CEP85: variants seen among roughly 807,000 people sequenced by gnomAD.
The protein encoded by CEP85 is centrosomal protein 85, also known as centrosomal protein of 85 kDa.
In CEP85, 58 loss-of-function variants were observed where a neutral mutation model predicts 93.7. The ratio of observed to expected loss-of-function variants is 0.62; its 90% CI spans 0.50 to 0.77. The LOEUF is 0.77. Among genes scored for constraint, CEP85 ranks in the 30% least tolerant of loss-of-function variants. CEP85 has a pLI of 0.00. For synonymous variants in CEP85, 314 were observed against 338.6 expected, an observed-to-expected ratio of 0.93 and a Z score of 0.80; for missense variants, 868 against 922.0, an observed-to-expected ratio of 0.94 and a Z score of 0.76.
At chr1:26,270,649 CTGTG>C (rs1346494150) in intron 9 of CEP85, among the ~76,000 whole-genome samples, 1 of 152,222 alleles carries the variant, frequency 6.6e-6, no homozygotes, top group Non-Finnish European at 1.5e-5. Context: ...TTGCCCCAGA[CTGTG>C]TGTGCCAAGA....
intron 7 of CEP85, among the ~76,000 whole-genome samples, chr1:26,261,652 T>C (rs993861227): frequency 6.6e-6 from 1 of 151,734 alleles, no homozygotes; most frequent in Non-Finnish European, 1.5e-5. Flanking sequence ...TCCAGCACTT[T>C]GGGAGACTGT....
intron 2 of CEP85, among the ~76,000 whole-genome samples, chr1:26,241,262 A>ATTTTTTTTTTT (rs2089420777): frequency 1.3e-4 from 1 of 7,658 alleles, no homozygotes; most frequent in Non-Finnish European, 6.9e-4. Flanking sequence ...TTTTTTTTTG[A>ATTTTTTTTTTT]AATGGAGTCT....
intron 11 of CEP85, among the ~76,000 whole-genome samples, chr1:26,273,590 T>C (rs2090009112): frequency 3.3e-5 from 5 of 152,160 alleles, no homozygotes; most frequent in Admixed American, 3.3e-4. Flanking sequence ...ATAAGACTAC[T>C]TAGGCAAATT....
In CEP85 at chr1:26,244,287, C is replaced by A. The variant is rs2089476017; in HGVS notation, c.177C>A (p.Ala59=). Residue 59 remains alanine, a synonymous_variant, in exon 3 of 14, where the codon GCC becomes GCA. Coordinates refer to ENST00000451429, the MANE Select transcript of CEP85 (RefSeq NM_001319944.2). Reference sequence around the variant, plus strand: ...GTGTAGCCGACAGTGGGGACACAGCCATTGGTACATCATGCTCAGATATTG... The same window carrying A: ...GTGTAGCCGACAGTGGGGACACAGCAATTGGTACATCATGCTCAGATATTG... ...CSSVADSGDT[A]IGTSCSDIAE... is the part of the protein sequence containing the mutation. 6.2e-7 allele frequency: 1 copy of A among 1,613,922 alleles called. No individual in the cohort carries two copies.
intron 7 of CEP85, among the ~76,000 whole-genome samples, chr1:26,261,419 G>A (rs1356055004): frequency 6.6e-6 from 1 of 151,930 alleles, no homozygotes. Context: ...TTGCAATGAG[G>A]CAAGATCGCT....
Position 26,255,362 on chromosome 1 carries a change from G to A in CEP85, c.400G>A (p.Asp134Asn). ...AESVGMTRNG[D>N]LGAMKHSPGL... Reference sequence around the variant, plus strand: ...AAGTGTGGGAATGACAAGAAATGGAGACCTCGGTGCAATGAAACATTCTCC... The same window carrying A: ...AAGTGTGGGAATGACAAGAAATGGAAACCTCGGTGCAATGAAACATTCTCC... The change falls in exon 4 of 14, where the codon GAC (aspartate) becomes AAC (asparagine). Residue 134 changes from aspartate to asparagine, a missense_variant. Asp to Asn is a conservative substitution (Grantham distance 23). Transcript: ENST00000451429. 6.2e-7 allele frequency: 1 copy of A among 1,614,126 alleles called. No homozygotes were observed. Among genetic ancestry groups the A allele is most frequent in the South Asian group, 1.1e-5 (1 of 91,080 alleles).
intron 4 of CEP85, among the ~76,000 whole-genome samples, chr1:26,256,981 C>T (rs531886323): frequency 3.1e-5 from 4 of 128,068 alleles, no homozygotes; most frequent in East Asian, 4.3e-4. Flanking sequence ...CTTGCTCTGT[C>T]GCCCAGTGGC....
At position 26,240,709 on chromosome 1, in the gene CEP85, A is replaced by G. The variant is rs944923403; in HGVS notation, c.55+871A>G. Among the ~76,000 whole-genome samples, 5 of 152,216 alleles carry G rather than the reference A, an allele frequency of 3.3e-5. No individual in the cohort carries two copies. The South Asian group carries it at 6.2e-4, about 19-fold the overall frequency. ...CAGGAGTTTGAGACCAGCCTGGCCA[A>G]CATGGTAAAACTCCATGTCTACTAA... On this transcript the variant is annotated intron_variant, in intron 2 of 13. Coordinates refer to ENST00000451429, the MANE Select transcript of CEP85 (RefSeq NM_001319944.2).
chr1:26,276,798 G>T (rs1320554957), intron 13 of CEP85, 38 bp downstream of exon 13: 1 of 1,516,394 alleles, frequency 6.6e-7, no homozygotes, highest in Non-Finnish European at 9.1e-7. Context: ...AGGAAGGAGG[G>T]TCCTTCTTTC....
intron 2 of CEP85, among the ~76,000 whole-genome samples, chr1:26,240,822 C>G (rs544591963): frequency 2.0e-5 from 3 of 151,428 alleles, no homozygotes; most frequent in South Asian, 4.2e-4. Context: ...CACTTGAACA[C>G]GGGAAGCAGA....
At chr1:26,264,980 C>CTTTTTTT in intron 7 of CEP85, among the ~76,000 whole-genome samples, 1 of 92,902 alleles carries the variant, frequency 1.1e-5, no homozygotes, top group Non-Finnish European at 2.0e-5. Context: ...CCACACCCGG[C>CTTTTTTT]TTTTTTTTTT....
At chr1:26,249,756 T>A (rs11247883) in intron 3 of CEP85, among the ~76,000 whole-genome samples, 1 of 151,926 alleles carries the variant, frequency 6.6e-6, no homozygotes, top group Non-Finnish European at 1.5e-5. Context: ...TGGGGAGGGG[T>A]CATAAAATGT....
At chr1:26,258,364 T>TA in intron 6 of CEP85, 104 bp downstream of exon 6, 1 of 752,442 alleles carries the variant, frequency 1.3e-6, no homozygotes, top group South Asian at 1.6e-5. Flanking sequence ...GCTCAAGTGA[T>TA]GTAAGTGTCC....
intron 3 of CEP85, among the ~76,000 whole-genome samples, chr1:26,254,086 T>C (rs2089659259): frequency 1.3e-5 from 2 of 152,114 alleles, no homozygotes; most frequent in Non-Finnish European, 2.9e-5. Flanking sequence ...GTTATCTGAG[T>C]GTTCTCTGTG....
chr1:26,271,901 T>C (rs1222299925), intron 10 of CEP85, 120 bp from the exon 11 acceptor site: 2 of 796,542 alleles, frequency 2.5e-6, no homozygotes, highest in African/African-American at 3.4e-5. Flanking sequence ...CTAATCTTTA[T>C]CCTGGTCTTA....
chr1:26,252,427 G>A (rs1235232191), intron 3 of CEP85, among the ~76,000 whole-genome samples: 1 of 151,966 alleles, frequency 6.6e-6, no homozygotes, highest in Non-Finnish European at 1.5e-5. Flanking sequence ...AGCTACTTGG[G>A]AGGCTGAGGC....
rs369575379 is a variant in CEP85 at position 26,247,440 on chromosome 1, GA to G, written c.208+3133del. 7.0e-3 allele frequency among the ~76,000 whole-genome samples: 985 copies of G among 139,974 alleles called. 10 individuals are homozygous for G. Among genetic ancestry groups the G allele is most frequent in the African/African-American group, 0.022 (840 of 38,402 alleles). The allele number at this position is 139,974 out of a possible 152,430, so 91.8% of individuals were successfully genotyped here. ...AGAGGAGTAAATTTAAAAATGAAAAGAAAAAAAAAAAGCCAGGGACAGTGGT... is the reference window on the plus strand; with the variant it reads ...AGAGGAGTAAATTTAAAAATGAAAAGAAAAAAAAAAGCCAGGGACAGTGGT... On this transcript the variant is annotated intron_variant, in intron 3 of 13. Coordinates refer to ENST00000451429, the MANE Select transcript of CEP85 (RefSeq NM_001319944.2).
intron 1 of CEP85, among the ~76,000 whole-genome samples, chr1:26,235,870 C>A (rs1439006802): frequency 6.6e-6 from 1 of 152,200 alleles, no homozygotes; most frequent in Non-Finnish European, 1.5e-5. Flanking sequence ...CCACGCCCGG[C>A]CACACTTAGA....
At chr1:26,272,173 GT>G in intron 11 of CEP85, 102 bp downstream of exon 11, 1 of 1,141,498 alleles carries the variant, frequency 8.8e-7, no homozygotes, top group Non-Finnish European at 1.3e-6. Context: ...GTTGCTCAGT[GT>G]TAGGGATACA....
Sources: gnomAD v4.1 joint callset for allele counts (sites outside exome capture counted in the v4.1 genomes callset) on GRCh38, gnomAD v4.1.1 for gene constraint, MANE v1.5 for transcripts, NCBI Gene and HGNC (gene_info 2026-07-23, HGNC 2026-07-21) for gene names.